Variants in BSX observed in about 807,000 individuals in gnomAD.
BSX encodes the protein brain-specific homeobox protein homolog.
A neutral mutation model predicts 16.9 loss-of-function variants in BSX; 12 were observed. The observed-to-expected ratio is 0.71, with a 90% confidence interval of 0.46 to 1.15. The LOEUF (loss-of-function observed/expected upper bound fraction) is 1.15. Among genes scored for constraint, BSX ranks in the 50% most tolerant of loss-of-function variants. The probability of loss-of-function intolerance (pLI) is 0.00; values close to 1 mark genes in which losing one functional copy is unlikely to be tolerated. For synonymous variants in BSX, 160 were observed against 136.4 expected, an observed-to-expected ratio of 1.17 and a Z score of -1.20; for missense variants, 292 against 311.8, an observed-to-expected ratio of 0.94 and a Z score of 0.48.
At position 122,980,560 on chromosome 11, in the gene BSX, C is replaced by G. The variant is rs187702353; in HGVS notation, c.262+850G>C. Among the ~76,000 whole-genome samples the G allele has an allele frequency of 3.3e-5, 5 of 152,288 alleles. No individual in the cohort carries two copies. The East Asian group carries it at 9.7e-4, about 29-fold the overall frequency. ...TTGTTGCCGCCTCTGAGCTATGAGT[C>G]TGGACTCAACGAATTATTCTATTCT... is the stretch of plus-strand genomic sequence containing the variant. On this transcript the variant is annotated intron_variant, in intron 1 of 2. Transcript: ENST00000343035.
chr11:122,981,504 G>A lies in BSX; in HGVS notation c.168C>T (p.Tyr56=), dbSNP rs200026871. 1 of 1,589,776 alleles carries A rather than the reference G, an allele frequency of 6.3e-7. No individual in the cohort carries two copies. Among genetic ancestry groups the A allele is most frequent in the Non-Finnish European group, 8.6e-7 (1 of 1,168,364 alleles). The stretch of plus-strand genomic sequence containing the variant: ...AGAGGGTGGGTGTGGGCATGAGGGG[G>A]TAGCCATAGTCTAGCAGAGGCACCC... The part of the protein sequence containing the change: ...ASRVPLLDYG[Y]PLMPTPTLLA... The change falls in exon 1 of 3, where the codon TAC becomes TAT. Residue 56 remains tyrosine (Y), a synonymous_variant. Coordinates refer to ENST00000343035, the MANE Select transcript of BSX (RefSeq NM_001098169.2).
At chr11:122,978,762 G>C (rs1294128333) in intron 2 of BSX, among the ~76,000 whole-genome samples, 1 of 151,370 alleles carries the variant, frequency 6.6e-6, no homozygotes, top group African/African-American at 2.4e-5. Context: ...CATGGGGTTG[G>C]GGTGTCGGTA....
Position 122,977,618 on chromosome 11 carries a change from C to G in BSX, c.*31G>C. 6.3e-7 allele frequency: 1 copy of G among 1,591,408 alleles called. No individual in the cohort carries two copies. The highest frequency in any genetic ancestry group is 1.7e-5 in the Admixed American group (1 of 57,478). Reference sequence around the variant, plus strand: ...CCGCGCTCGGCCCCGCAGTCTCCTCCCCTGCCTACTACCCTCCCCAGCCTG... The same window carrying G: ...CCGCGCTCGGCCCCGCAGTCTCCTCGCCTGCCTACTACCCTCCCCAGCCTG... On this transcript the variant is annotated 3_prime_UTR_variant, in exon 3 of 3. Transcript: ENST00000343035. The surrounding 1 kb of genome is among the most constrained non-coding windows in gnomAD (Gnocchi z 4.5).
Position 122,977,661 on chromosome 11 carries a change from C to T in BSX, c.690G>A (p.Pro230=), listed in dbSNP as rs61737276. ...IGDEGELGSG[P]HVL is the part of the protein sequence containing the mutation. The stretch of plus-strand genomic sequence containing the variant: ...CCAGCCTGGCGGCTCAGAGCACGTG[C>T]GGCCCTGAGCCCAGCTCCCCCTCGT... The change falls in exon 3 of 3, where the codon CCG becomes CCA. Residue 230 remains proline (P), a synonymous_variant. Transcript: ENST00000343035. The surrounding 1 kb of genome is among the most constrained non-coding windows in gnomAD (Gnocchi z 4.5). 1.9e-6 allele frequency: 3 copies of T among 1,609,000 alleles called. No homozygotes were observed. The highest frequency in any genetic ancestry group is 1.7e-5 in the Admixed American group (1 of 59,984).
At position 122,981,776 on chromosome 11, in the gene BSX, A is replaced by C. The variant is rs1591412407; in HGVS notation, c.-105T>G. On this transcript the variant is annotated 5_prime_UTR_variant, in exon 1 of 3. The change creates a new upstream start codon in the 5' untranslated region. Coordinates refer to ENST00000343035, the MANE Select transcript of BSX (RefSeq NM_001098169.2). ...GCCGGCAACCACCCTCCGAGGCTCGAATCTCCGCTGCTCTCTCCCGGGCCT... is the reference window on the plus strand; with the variant it reads ...GCCGGCAACCACCCTCCGAGGCTCGCATCTCCGCTGCTCTCTCCCGGGCCT... 1 of 1,203,582 alleles carries C rather than the reference A, an allele frequency of 8.3e-7. No individual in the cohort carries two copies. Among genetic ancestry groups the C allele is most frequent in the Non-Finnish European group, 1.1e-6 (1 of 877,916 alleles). The allele number at this position is 1,203,582 out of a possible 1,614,324, so 74.6% of individuals were successfully genotyped here.
chr11:122,978,409 T>TA (rs1190107926), intron 2 of BSX, among the ~76,000 whole-genome samples: 4 of 152,196 alleles, frequency 2.6e-5, no homozygotes, highest in Admixed American at 2.6e-4. Flanking sequence ...TAGAGGAAGA[T>TA]AAAAACCTTT....
chr11:122,981,349 A>G, intron 1 of BSX, 61 bp downstream of exon 1: 3 of 1,420,390 alleles, frequency 2.1e-6, no homozygotes, highest in Non-Finnish European at 2.8e-6. Context: ...TCACAGGCTT[A>G]GGGTCTGTGC....
chr11:122,981,772 C>T lies in BSX; in HGVS notation c.-101G>A, dbSNP rs1864576846. On this transcript the variant is annotated 5_prime_UTR_variant, in exon 1 of 3. Transcript: ENST00000343035. ...GAAAGCCGGCAACCACCCTCCGAGGCTCGAATCTCCGCTGCTCTCTCCCGG... is the reference window on the plus strand; with the variant it reads ...GAAAGCCGGCAACCACCCTCCGAGGTTCGAATCTCCGCTGCTCTCTCCCGG... 1.6e-6 allele frequency: 2 copies of T among 1,232,272 alleles called. No individual in the cohort carries two copies. The highest frequency in any genetic ancestry group is 2.6e-5 in the East Asian group (1 of 38,922). The allele number at this position is 1,232,272 out of a possible 1,614,324, so 76.3% of individuals were successfully genotyped here. A position where few individuals can be genotyped will look rare whatever the true frequency, so the allele number is the denominator to read the frequency against.
intron 2 of BSX, among the ~76,000 whole-genome samples, chr11:122,979,010 T>G (rs569116197): frequency 9.2e-5 from 14 of 151,854 alleles, no homozygotes; most frequent in Admixed American, 3.9e-4. Flanking sequence ...TTCACCATAT[T>G]GGTCAGGCTT....
rs1353583094 is a variant in BSX at position 122,979,419 on chromosome 11, C to A, written c.301G>T (p.Ala101Ser). The change falls in exon 2 of 3, where the codon GCG (alanine) becomes TCG (serine). Residue 101 changes from alanine (A) to serine (S), a missense_variant. Transcript: ENST00000343035. Reference sequence around the variant, plus strand: ...CGGCAGTGCTTCCCCGGCAGCTCCGCGTGCTGCGGGTGCGGGAACAGCGCT... The same window carrying A: ...CGGCAGTGCTTCCCCGGCAGCTCCGAGTGCTGCGGGTGCGGGAACAGCGCT... ...VPALFPHPQH[A>S]ELPGKHCRRR... 6.2e-7 allele frequency: 1 copy of A among 1,613,522 alleles called. No homozygotes were observed. The highest frequency in any genetic ancestry group is 1.1e-5 in the South Asian group (1 of 91,050).
At position 122,977,836 on chromosome 11, in the gene BSX, C is replaced by T. The variant is rs1864516903; in HGVS notation, c.515G>A (p.Ser172Asn). ...GTCTGGTGCTTTGGGTTCGTCTTGG[C>T]TTTTCCGCAGTTGCTTTTTATGCTT... ...RMKHKKQLRK[S>N]QDEPKAPDGP... Residue 172 changes from serine to asparagine, a missense_variant, in exon 3 of 3, where the codon AGC (serine) becomes AAC (asparagine). Around this residue, in one of 3 missense-constraint regions of BSX, gnomAD observed 107 missense variants for 97.1 expected, o/e 1.10. Transcript: ENST00000343035. This position sits in a 1 kb window ranked among gnomAD's most constrained non-coding sequence, Gnocchi z 4.5. 6.2e-7 allele frequency: 1 copy of T among 1,614,022 alleles called. No individual in the cohort carries two copies. The highest frequency in any genetic ancestry group is 8.5e-7 in the Non-Finnish European group (1 of 1,179,968).
chr11:122,978,033 A>T, intron 2 of BSX, 142 bp from the exon 3 acceptor site: 1 of 975,884 alleles, frequency 1.0e-6, no homozygotes, highest in Non-Finnish European at 1.6e-6. Flanking sequence ...TTATCGCCTT[A>T]AGCCGAATGA....
At chr11:122,978,795 C>CTTTTTTTT (rs35567142) in intron 2 of BSX, among the ~76,000 whole-genome samples, 12 of 64,774 alleles carry the variant, frequency 1.9e-4, no homozygotes, top group African/African-American at 3.3e-4. Context: ...TTTTTCTTTT[C>CTTTTTTTT]TTTTTTTTTT....
Position 122,981,771 on chromosome 11 carries a change from G to C in BSX, c.-100C>G. ...CGAAAGCCGGCAACCACCCTCCGAGGCTCGAATCTCCGCTGCTCTCTCCCG... is the reference window on the plus strand; with the variant it reads ...CGAAAGCCGGCAACCACCCTCCGAGCCTCGAATCTCCGCTGCTCTCTCCCG... On this transcript the variant is annotated 5_prime_UTR_variant, in exon 1 of 3. Coordinates refer to ENST00000343035, the MANE Select transcript of BSX (RefSeq NM_001098169.2). 8.0e-7 allele frequency: 1 copy of C among 1,246,900 alleles called. No homozygotes were observed. Among genetic ancestry groups the C allele is most frequent in the Non-Finnish European group, 1.1e-6 (1 of 916,632 alleles). 77.2% of individuals were successfully genotyped at this position (1,246,900 alleles called of 1,614,324 possible).
At chr11:122,978,960 C>T (rs1864533998) in intron 2 of BSX, among the ~76,000 whole-genome samples, 1 of 151,850 alleles carries the variant, frequency 6.6e-6, no homozygotes, top group South Asian at 2.1e-4. Flanking sequence ...CGCGCGCCAC[C>T]ACGCCTGACT....
At chr11:122,979,816 C>G (rs1439644639) in intron 1 of BSX, among the ~76,000 whole-genome samples, 1 of 152,154 alleles carries the variant, frequency 6.6e-6, no homozygotes, top group Non-Finnish European at 1.5e-5. Context: ...TTCAGTTGCG[C>G]CTGGCCAAGT....
Position 122,977,789 on chromosome 11 carries a change from TG to T in BSX, c.561del (p.Ser188AlafsTer15), listed in dbSNP as rs767251927. 1.2e-6 allele frequency: 2 copies of T among 1,613,736 alleles called. No individual in the cohort carries two copies. On this transcript the variant is annotated frameshift_variant, in exon 3 of 3. Transcript: ENST00000343035. LOFTEE classifies it high-confidence loss of function. This position sits in a 1 kb window ranked among gnomAD's most constrained non-coding sequence, Gnocchi z 4.5. ...KAPDGPESPE[G>X]SPRGSEAATA... is the part of the protein sequence containing the mutation. ...GTGGCGGCCTCTGAACCGCGGGGGC[TG>T]CCCTCGGGGCTTTCTGGCCCGTCTG...
Position 122,977,640 on chromosome 11 carries a change from C to T in BSX, c.*9G>A, listed in dbSNP as rs755470767. 2.5e-6 allele frequency: 4 copies of T among 1,605,198 alleles called. No homozygotes were observed. The highest frequency in any genetic ancestry group is 2.7e-5 in the African/African-American group (2 of 74,824). On this transcript the variant is annotated 3_prime_UTR_variant, in exon 3 of 3. Coordinates refer to ENST00000343035, the MANE Select transcript of BSX (RefSeq NM_001098169.2). This position sits in a 1 kb window ranked among gnomAD's most constrained non-coding sequence, Gnocchi z 4.5. Reference sequence around the variant, plus strand: ...CTCCCCTGCCTACTACCCTCCCCAGCCTGGCGGCTCAGAGCACGTGCGGCC... The same window carrying T: ...CTCCCCTGCCTACTACCCTCCCCAGTCTGGCGGCTCAGAGCACGTGCGGCC...
At chr11:122,979,192 G>C in intron 2 of BSX, 69 bp downstream of exon 2, 1 of 1,403,578 alleles carries the variant, frequency 7.1e-7, no homozygotes, top group Non-Finnish European at 9.8e-7. Flanking sequence ...ACAAGGTCCC[G>C]AAGGTATTAA....
Sources: allele counts gnomAD v4.1 joint callset (sites outside exome capture counted in the v4.1 genomes callset), GRCh38; gene constraint gnomAD v4.1.1; regional missense constraint gnomAD v4.1.1; non-coding constraint Gnocchi (gnomAD v3.1); transcripts MANE v1.5; gene names NCBI Gene and HGNC (gene_info 2026-07-23, HGNC 2026-07-21).